The following SCUBE1 variants were observed in gnomAD, a reference collection of about 807,000 sequenced individuals.
SCUBE1 encodes signal peptide, CUB and EGF-like domain-containing protein 1.
A neutral mutation model predicts 124.4 loss-of-function variants in SCUBE1; 59 were observed. The ratio of observed to expected loss-of-function variants is 0.47; its 90% confidence interval spans 0.38 to 0.59. The LOEUF is 0.59. Ranked by LOEUF, SCUBE1 falls within the 20% of genes least tolerant of loss-of-function variation. The pLI is 0.00. For synonymous variants in SCUBE1, 545 were observed against 550.9 expected (o/e 0.99, Z 0.15); for missense variants, 1,150 against 1,371.2 (o/e 0.84, Z 2.55).
chr22:43,339,683 C>T (rs13053712), intron 1 of SCUBE1, among the ~76,000 whole-genome samples: 1 of 64,736 alleles, frequency 1.5e-5, no homozygotes. Context: ...CTCACTCTAT[C>T]CCCCCACAAG....
chr22:43,251,689 A>G (rs1163060113), intron 6 of SCUBE1, among the ~76,000 whole-genome samples: 1 of 152,212 alleles, frequency 6.6e-6, no homozygotes, highest in Non-Finnish European at 1.5e-5. Flanking sequence ...TGGAGCCTCC[A>G]GAAGGAAACA....
rs974328555 is a variant in SCUBE1, at chr22:43,240,104, CTCTG to C, written c.728-1154_728-1151del. Among the ~76,000 whole-genome samples the C allele has an allele frequency of 3.3e-5, 5 of 152,076 alleles. No homozygotes were observed. In the East Asian group the frequency reaches 7.7e-4, roughly 23 times the overall value. On this transcript the variant is annotated intron_variant, in intron 6 of 21. Coordinates refer to ENST00000360835, the MANE Select transcript of SCUBE1 (RefSeq NM_173050.5). ...GGGGAGAGGGGAACCTCATGTTCCCCTCTGTGTGTGTGTGCGTGTGCATCTGAGA... is the reference window on the plus strand; with the variant it reads ...GGGGAGAGGGGAACCTCATGTTCCCCTGTGTGTGTGCGTGTGCATCTGAGA...
intron 3 of SCUBE1, among the ~76,000 whole-genome samples, chr22:43,295,226 C>A (rs1925512958): frequency 6.6e-6 from 1 of 152,226 alleles, no homozygotes; most frequent in African/African-American, 2.4e-5. Flanking sequence ...CAGTGCTCAG[C>A]CTCCTCCTCC....
At chr22:43,321,401 G>A (rs778892640) in intron 2 of SCUBE1, among the ~76,000 whole-genome samples, 2 of 152,228 alleles carry the variant, frequency 1.3e-5, no homozygotes, top group Non-Finnish European at 2.9e-5. Context: ...GCCAATGAAC[G>A]TTCAGGGGTA....
chr22:43,244,067 T>C (rs1287180926), intron 6 of SCUBE1, among the ~76,000 whole-genome samples: 2 of 152,020 alleles, frequency 1.3e-5, no homozygotes, highest in African/African-American at 4.8e-5. Flanking sequence ...ATGCCCCAGG[T>C]GTCAACAGTT....
chr22:43,206,626 A>G (rs1448064235), intron 21 of SCUBE1, among the ~76,000 whole-genome samples: 1 of 143,380 alleles, frequency 7.0e-6, no homozygotes, highest in Non-Finnish European at 1.5e-5. Context: ...CTGAGGGCGG[A>G]AGGATGGGGG....
At chr22:43,224,670 G>A (rs904258353) in intron 10 of SCUBE1, among the ~76,000 whole-genome samples, 12 of 152,272 alleles carry the variant, frequency 7.9e-5, no homozygotes, top group African/African-American at 2.6e-4. Context: ...CTGCCAACAC[G>A]TGAAAGGAGG....
intron 6 of SCUBE1, among the ~76,000 whole-genome samples, chr22:43,243,243 C>A (rs968819505): frequency 4.6e-5 from 7 of 152,230 alleles, no homozygotes; most frequent in African/African-American, 1.7e-4. Context: ...GGGATCCTCA[C>A]CGTGAGGTCT....
intron 14 of SCUBE1, among the ~76,000 whole-genome samples, chr22:43,219,480 C>CTTTT (rs139001): frequency 0.019 from 2,727 of 144,730 alleles, 78 homozygotes; most frequent in African/African-American, 0.061. Context: ...AAAACATTTC[C>CTTTT]TTTTTTTTTT....
At chr22:43,341,693 G>A (rs921735982) in intron 1 of SCUBE1, among the ~76,000 whole-genome samples, 5 of 152,180 alleles carry the variant, frequency 3.3e-5, no homozygotes, top group African/African-American at 1.2e-4. Context: ...TGTCCCCATC[G>A]GTTCTCTGCC....
rs564364608 is a variant in SCUBE1 at position 43,300,261 on chromosome 22, C to T, written c.350-9081G>A. The stretch of plus-strand genomic sequence containing the variant: ...CAGCAAAGTATGGGGTTTCTAATTT[C>T]TCCATATCCTCGCCAACACTTGTTC... On this transcript the variant is annotated intron_variant, in intron 3 of 21. Transcript: ENST00000360835. Among the ~76,000 whole-genome samples the T allele has an allele frequency of 2.0e-5, 3 of 150,752 alleles. No individual in the cohort carries two copies. In the South Asian group the frequency reaches 6.3e-4, roughly 31 times the overall value.
chr22:43,272,034 G>T lies in SCUBE1; in HGVS notation c.485-9189C>A, dbSNP rs543541132. ...GGCCACTCCATTGGCAGGCCCAAAG[G>T]GGTTCTAGCCCCTCCATTAAGTGCT... On this transcript the variant is annotated intron_variant, in intron 4 of 21. Transcript: ENST00000360835. Among the ~76,000 whole-genome samples, 12 of 152,218 alleles carry T rather than the reference G, an allele frequency of 7.9e-5. No individual in the cohort carries two copies. The South Asian group carries it at 2.5e-3, about 32-fold the overall frequency.
chr22:43,295,977 T>C (rs1217472809), intron 3 of SCUBE1, among the ~76,000 whole-genome samples: 1 of 140,744 alleles, frequency 7.1e-6, no homozygotes, highest in Non-Finnish European at 1.5e-5. Context: ...CAAAGGCTCA[T>C]GGAAGGGGCA....
At chr22:43,308,938 A>G (rs1926075035) in intron 3 of SCUBE1, among the ~76,000 whole-genome samples, 1 of 152,256 alleles carries the variant, frequency 6.6e-6, no homozygotes, top group South Asian at 2.1e-4. Context: ...GCAGAGCTCA[A>G]ATTGAAGTCG....
intron 19 of SCUBE1, among the ~76,000 whole-genome samples, chr22:43,208,916 TG>T (rs1473419143): frequency 6.6e-6 from 1 of 150,766 alleles, no homozygotes; most frequent in Non-Finnish European, 1.5e-5. Flanking sequence ...CACGGCTCCC[TG>T]GGGGCCTTCC....
intron 1 of SCUBE1, among the ~76,000 whole-genome samples, chr22:43,340,903 C>A (rs900476298): frequency 6.6e-6 from 1 of 152,148 alleles, no homozygotes; most frequent in South Asian, 2.1e-4. Flanking sequence ...GCTGGGTCCC[C>A]AAGAGTGTCC....
chr22:43,273,446 G>A (rs976306765), intron 4 of SCUBE1, among the ~76,000 whole-genome samples: 1 of 152,136 alleles, frequency 6.6e-6, no homozygotes, highest in South Asian at 2.1e-4. Flanking sequence ...CAACACCGAG[G>A]TGGGGCAGGT....
At chr22:43,303,508 C>T (rs892238503) in intron 3 of SCUBE1, among the ~76,000 whole-genome samples, 3 of 152,232 alleles carry the variant, frequency 2.0e-5, no homozygotes, top group African/African-American at 7.2e-5. Context: ...AGCTGACATA[C>T]CGGAGAAAGG....
At chr22:43,235,564 C>T (rs571942361) in intron 7 of SCUBE1, among the ~76,000 whole-genome samples, 2 of 151,602 alleles carry the variant, frequency 1.3e-5, no homozygotes, top group East Asian at 2.0e-4. Context: ...AGGAAACAGG[C>T]GGTAGGTGGG....
Sources: gnomAD v4.1 joint callset for allele counts (sites outside exome capture counted in the v4.1 genomes callset) on GRCh38, gnomAD v4.1.1 for gene constraint, MANE v1.5 for transcripts, NCBI Gene and HGNC (gene_info 2026-07-23, HGNC 2026-07-21) for gene names.